The following FGD4 variants were observed in gnomAD, a reference collection of about 807,000 sequenced individuals.
FGD4 encodes the protein FYVE, RhoGEF and PH domain containing 4, also known as FYVE, RhoGEF and PH domain-containing protein 4.
Under a neutral mutation model 102.0 loss-of-function variants are expected in FGD4, and 42 were observed. The ratio of observed to expected loss-of-function variants is 0.41; its 90% CI spans 0.32 to 0.53. The LOEUF is 0.53. Among genes scored for constraint, FGD4 ranks in the 20% least tolerant of loss-of-function variants. The pLI is 0.21. For synonymous variants in FGD4, 380 were observed against 375.7 expected (o/e 1.01, Z -0.13); for missense variants, 902 against 1,078.2 (o/e 0.84, Z 2.29).
At chr12:32,543,181 T>A (rs1198021198) in intron 1 of FGD4, among the ~76,000 whole-genome samples, 1 of 152,184 alleles carries the variant, frequency 6.6e-6, no homozygotes, top group East Asian at 1.9e-4. Context: ...TTGTTTATTA[T>A]AAAGGATACT....
intron 14 of FGD4, among the ~76,000 whole-genome samples, chr12:32,627,162 CTTTTTTTTTT>C (rs1431745921): frequency 7.3e-6 from 1 of 136,414 alleles, no homozygotes; most frequent in Non-Finnish European, 1.6e-5. Context: ...CATTTTTTTT[CTTTTTTTTTT>C]GAGACAGAGT....
At chr12:32,579,803 C>G (rs1946455326) in intron 3 of FGD4, among the ~76,000 whole-genome samples, 1 of 152,142 alleles carries the variant, frequency 6.6e-6, no homozygotes, top group Non-Finnish European at 1.5e-5. Flanking sequence ...GACATTTTCC[C>G]CTACTCAATT....
chr12:32,538,630 G>A (rs138712161), intron 1 of FGD4, among the ~76,000 whole-genome samples: 21 of 152,248 alleles, frequency 1.4e-4, no homozygotes, highest in African/African-American at 4.6e-4. Flanking sequence ...CATGATTTTG[G>A]ATGATTAATT....
chr12:32,569,753 T>C (rs140550901), intron 2 of FGD4, among the ~76,000 whole-genome samples: 57 of 152,326 alleles, frequency 3.7e-4, no homozygotes, highest in Middle Eastern at 3.4e-3. Flanking sequence ...TAGAACCTAG[T>C]AGATATTCAA....
chr12:32,526,959 T>C (rs1047007524), intron 1 of FGD4, among the ~76,000 whole-genome samples: 2 of 152,112 alleles, frequency 1.3e-5, no homozygotes, highest in Admixed American at 6.6e-5. Context: ...AATTTACTTA[T>C]CCATATTCTC....
rs570167112 is a variant in FGD4, at chr12:32,468,750, A to G, written c.166+68791A>G. Among the ~76,000 whole-genome samples, 68 of 152,290 alleles carry G rather than the reference A, an allele frequency of 4.5e-4. 1 individual carries two copies. Among genetic ancestry groups the G allele is most frequent in the African/African-American group, 1.6e-3 (65 of 41,548 alleles). On this transcript the variant is annotated intron_variant, in intron 1 of 16. Coordinates refer to ENST00000534526, the MANE Select transcript of FGD4 (RefSeq NM_001370298.3). ...GAATGAGACCCTGTCAAAGGAAGAA[A>G]AGATATTGTAACCATGTATTTTGTA...
intron 1 of FGD4, among the ~76,000 whole-genome samples, chr12:32,494,292 C>T (rs1028781384): frequency 1.5e-4 from 23 of 152,152 alleles, no homozygotes; most frequent in Non-Finnish European, 2.8e-4. Context: ...TCTTGCATTT[C>T]TCCCTCCTTG....
chr12:32,452,165 G>A (rs2136475869), intron 1 of FGD4, among the ~76,000 whole-genome samples: 1 of 151,892 alleles, frequency 6.6e-6, no homozygotes, highest in Non-Finnish European at 1.5e-5. Flanking sequence ...CTATTCTACT[G>A]AAGTAACTCT....
chr12:32,630,496 A>G (rs1950435526), intron 14 of FGD4, among the ~76,000 whole-genome samples: 1 of 152,066 alleles, frequency 6.6e-6, no homozygotes, highest in South Asian at 2.1e-4. Flanking sequence ...CCTGGGCAAC[A>G]TGGTGAAACT....
chr12:32,418,464 T>C (rs1401005367), intron 1 of FGD4, among the ~76,000 whole-genome samples: 2 of 152,162 alleles, frequency 1.3e-5, no homozygotes, highest in East Asian at 1.9e-4. Flanking sequence ...TGCCGACTTA[T>C]AGAGGTACCA....
At position 32,632,592 on chromosome 12, in the gene FGD4, T is replaced by C. The variant is rs143762006; in HGVS notation, c.2173-957T>C. On this transcript the variant is annotated intron_variant, in intron 14 of 16. Coordinates refer to ENST00000534526, the MANE Select transcript of FGD4 (RefSeq NM_001370298.3). ...AAATTATGCAGGACTTTGGAGGCCA[T>C]GATTAAGAGTTGGTTCTTTAGCCAA... Among the ~76,000 whole-genome samples, 724 of 152,278 alleles carry C rather than the reference T, an allele frequency of 4.8e-3. 16 individuals are homozygous for C. In the South Asian group the frequency reaches 0.074, roughly 16 times the overall value.
chr12:32,495,565 G>A (rs571549548), intron 1 of FGD4, among the ~76,000 whole-genome samples: 87 of 151,846 alleles, frequency 5.7e-4, no homozygotes, highest in Admixed American at 2.2e-3. Context: ...GCGTGGTGGC[G>A]GGCACCTGTA....
At position 32,412,913 on chromosome 12, in the gene FGD4, T is replaced by TTTTTC. The variant is rs1248002255; in HGVS notation, c.166+12958_166+12959insCTTTT. Among the ~76,000 whole-genome samples, 5 of 141,024 alleles carry TTTTTC rather than the reference T, an allele frequency of 3.5e-5. No individual in the cohort carries two copies. In the South Asian group the frequency reaches 1.1e-3, roughly 32 times the overall value. 92.5% of individuals were successfully genotyped at this position (141,024 alleles called of 152,430 possible). ...CTTTTCTAGAAATTTTTTTTTTTTT[T>TTTTTC]TTTTTTTTTTTAATTAGCCAGCCAT... On this transcript the variant is annotated intron_variant, in intron 1 of 16. Coordinates refer to ENST00000534526, the MANE Select transcript of FGD4 (RefSeq NM_001370298.3).
chr12:32,641,265 A>G lies in FGD4; in HGVS notation c.*732A>G, dbSNP rs1366194356. 1 of 152,138 alleles carries G rather than the reference A, an allele frequency of 6.6e-6. No individual in the cohort carries two copies. The highest frequency in any genetic ancestry group is 6.6e-5 in the Admixed American group (1 of 15,256). The allele number at this position is 152,138 out of a possible 1,614,324, so 9.4% of individuals were successfully genotyped here. The stretch of plus-strand genomic sequence containing the variant: ...TTGAGCAATGTTCTAAACTGAAGAA[A>G]TGTTTTGGTGATTTATGTTTTGCTG... On this transcript the variant is annotated 3_prime_UTR_variant, in exon 17 of 17. Transcript: ENST00000534526.
chr12:32,457,777 A>G (rs142654514), intron 1 of FGD4, among the ~76,000 whole-genome samples: 1 of 152,340 alleles, frequency 6.6e-6, no homozygotes, highest in African/African-American at 2.4e-5. Flanking sequence ...TATGTAGCAT[A>G]TAAAAATAGA....
chr12:32,419,182 A>G (rs1237822061), intron 1 of FGD4, among the ~76,000 whole-genome samples: 2 of 151,812 alleles, frequency 1.3e-5, no homozygotes, highest in African/African-American at 2.4e-5. Context: ...TTGTTGCTCT[A>G]CCCTCTGTAG....
At chr12:32,563,095 AC>A (rs1269705037) in intron 1 of FGD4, among the ~76,000 whole-genome samples, 9 of 132,588 alleles carry the variant, frequency 6.8e-5, no homozygotes, top group African/African-American at 1.7e-4. Flanking sequence ...CGGGGGGCTG[AC>A]CCCCCCCACC....
At chr12:32,405,188 C>T (rs1323187105) in intron 1 of FGD4, among the ~76,000 whole-genome samples, 1 of 151,884 alleles carries the variant, frequency 6.6e-6, no homozygotes, top group Non-Finnish European at 1.5e-5. Context: ...CCGCCTCAGC[C>T]TCCCGAAGTG....
intron 1 of FGD4, among the ~76,000 whole-genome samples, chr12:32,512,739 AG>A (rs1939511655): frequency 6.6e-6 from 1 of 152,236 alleles, no homozygotes; most frequent in African/African-American, 2.4e-5. Flanking sequence ...ATGTTTTAAC[AG>A]TAGGAAAAAT....
Sources: gnomAD v4.1 joint callset for allele counts (sites outside exome capture counted in the v4.1 genomes callset) on GRCh38, gnomAD v4.1.1 for gene constraint, MANE v1.5 for transcripts, NCBI Gene and HGNC (gene_info 2026-07-23, HGNC 2026-07-21) for gene names.